MARS1: variants seen among roughly 807,000 people sequenced by gnomAD.
MARS1 encodes methionine--tRNA ligase, cytoplasmic.
A neutral mutation model predicts 119.5 loss-of-function variants in MARS1; 80 were observed. The ratio of observed to expected loss-of-function variants is 0.67; its 90% CI spans 0.56 to 0.81. The LOEUF (loss-of-function observed/expected upper bound fraction) is 0.81, where lower values mean the gene tolerates loss of function less well. MARS1 is among the 30% of genes least tolerant of loss of function. The pLI, the probability that MARS1 is intolerant of heterozygous loss-of-function variation, is 0.00. For missense variants in MARS1, 945 were observed against 1,116.5 expected (o/e 0.85, Z 2.19); for synonymous variants, 418 against 433.4 (o/e 0.96, Z 0.44).
Position 57,498,615 on chromosome 12 carries a change from G to A in MARS1, c.1083G>A (p.Gln361=). The change falls in exon 9 of 21, where the codon CAG becomes CAA. Residue 361 remains glutamine, a synonymous_variant. Transcript: ENST00000262027. ...FDIFGRTTTP[Q]QTKITQDIFQ... ...TTTTTGGTCGCACCACCACTCCACA[G>A]CAGACCAAGTAAGTTTCCTCTAATG... is the stretch of plus-strand genomic sequence containing the variant. The A allele has an allele frequency of 6.2e-7, 1 of 1,614,082 alleles. No individual in the cohort carries two copies. Among genetic ancestry groups the A allele is most frequent in the Non-Finnish European group, 8.5e-7 (1 of 1,179,960 alleles).
At chr12:57,514,670 T>C in intron 15 of MARS1, 50 bp from the exon 16 acceptor site, 1 of 1,609,490 alleles carries the variant, frequency 6.2e-7, no homozygotes, top group Non-Finnish European at 8.5e-7. Flanking sequence ...GGAGACGGGA[T>C]AATAACTTCC....
At position 57,516,232 on chromosome 12, in the gene MARS1, T is replaced by C. The variant is rs377174430; in HGVS notation, c.2464-13T>C. 4.7e-5 allele frequency: 75 copies of C among 1,612,650 alleles called. No individual in the cohort carries two copies. Among genetic ancestry groups the C allele is most frequent in the Non-Finnish European group, 6.1e-5 (72 of 1,178,748 alleles). On this transcript the variant is annotated splice_polypyrimidine_tract_variant and intron_variant, in intron 19 of 20. Transcript: ENST00000262027. Reference sequence around the variant, plus strand: ...TATTTATGGTTGCTGGTGATAACTTTGTTGTTCTCCAGGCAAAAACGTCCC... The same window carrying C: ...TATTTATGGTTGCTGGTGATAACTTCGTTGTTCTCCAGGCAAAAACGTCCC...
In MARS1 at chr12:57,498,274, G is replaced by A. The variant is rs752732775; in HGVS notation, c.887+1G>A. 10 of 1,613,574 alleles carry A rather than the reference G, an allele frequency of 6.2e-6. No homozygotes were observed. The highest frequency in any genetic ancestry group is 5.1e-6 in the Non-Finnish European group (6 of 1,179,460). Reference sequence around the variant, plus strand: ...TGCTCAGTGCCGATGTCTTTGCCAGGTGGAGCCAGCTGCTCGGGGAGAGAC... The same window carrying A: ...TGCTCAGTGCCGATGTCTTTGCCAGATGGAGCCAGCTGCTCGGGGAGAGAC... On this transcript the variant is annotated splice_donor_variant, in intron 8 of 20. Transcript: ENST00000262027. LOFTEE classifies it high-confidence loss of function.
chr12:57,493,368 T>C (rs865808363), intron 7 of MARS1, among the ~76,000 whole-genome samples: 8 of 81,460 alleles, frequency 9.8e-5, no homozygotes, highest in South Asian at 3.2e-4. Context: ...ATGATATGTA[T>C]AATATATATT....
At chr12:57,508,266 C>T (rs182689145) in intron 11 of MARS1, among the ~76,000 whole-genome samples, 2,410 of 152,318 alleles carry the variant, frequency 0.016, 72 homozygotes, top group African/African-American at 0.055. Flanking sequence ...GGTGGCGGCA[C>T]GGCAGAGGCT....
chr12:57,492,689 A>T (rs1317831150), intron 7 of MARS1, among the ~76,000 whole-genome samples: 3 of 103,626 alleles, frequency 2.9e-5, no homozygotes, highest in African/African-American at 1.2e-4. Context: ...ACACACACAC[A>T]CACACACACA....
Position 57,512,362 on chromosome 12 carries a change from C to T in MARS1, c.1753+9C>T, listed in dbSNP as rs892224012. ...CCACCTCATTGCTACAGGTAAGTAC[C>T]CTGGAAGACTACTGATGGGGTGTTC... On this transcript the variant is annotated intron_variant, in intron 14 of 20. Transcript: ENST00000262027. The T allele has an allele frequency of 2.5e-6, 4 of 1,585,206 alleles. No individual in the cohort carries two copies. Among genetic ancestry groups the T allele is most frequent in the African/African-American group, 2.7e-5 (2 of 74,320 alleles).
At chr12:57,510,636 T>C (rs1877465955) in intron 11 of MARS1, among the ~76,000 whole-genome samples, 1 of 151,266 alleles carries the variant, frequency 6.6e-6, no homozygotes, top group Non-Finnish European at 1.5e-5. Context: ...TTTTTTCTTT[T>C]TTGCACTTCC....
intron 7 of MARS1, among the ~76,000 whole-genome samples, chr12:57,494,139 A>G (rs1199880358): frequency 1.4e-5 from 2 of 143,000 alleles, no homozygotes; most frequent in East Asian, 2.1e-4. Context: ...TATTTTTGGT[A>G]GAGACAAGGT....
intron 10 of MARS1, among the ~76,000 whole-genome samples, chr12:57,503,809 G>C (rs1877051358): frequency 6.6e-6 from 1 of 152,114 alleles, no homozygotes; most frequent in African/African-American, 2.4e-5. Flanking sequence ...CAAAATGCTG[G>C]AATTACAGGC....
In MARS1 at chr12:57,498,346, TG is replaced by T. The variant is rs2140016837; in HGVS notation, c.888-70del. 4.4e-6 allele frequency: 7 copies of T among 1,594,214 alleles called. No individual in the cohort carries two copies. In the East Asian group the frequency reaches 1.1e-4, roughly 25 times the overall value. Reference sequence around the variant, plus strand: ...CCAGGGGAATAGGATGCTTCAAGGGTGGGGCTGGGGAGATCCCAAGGACAAG... The same window carrying T: ...CCAGGGGAATAGGATGCTTCAAGGGTGGGCTGGGGAGATCCCAAGGACAAG... On this transcript the variant is annotated intron_variant, in intron 8 of 20. Transcript: ENST00000262027.
intron 13 of MARS1, 53 bp downstream of exon 13, chr12:57,512,156 G>A: frequency 6.2e-7 from 1 of 1,601,662 alleles, no homozygotes; most frequent in Non-Finnish European, 8.6e-7. Flanking sequence ...GTAGGGTGTG[G>A]GTGTTAGGGT....
chr12:57,507,720 T>C (rs1412738342), intron 11 of MARS1, among the ~76,000 whole-genome samples: 4 of 79,588 alleles, frequency 5.0e-5, no homozygotes, highest in Admixed American at 1.4e-4. Context: ...GCCCCCCACC[T>C]CCCTCCCGGA....
chr12:57,512,554 A>T (rs1184469848), intron 14 of MARS1, 197 bp from the exon 15 acceptor site: 1 of 639,696 alleles, frequency 1.6e-6, no homozygotes, highest in Non-Finnish European at 2.7e-6. Flanking sequence ...TCTTTAGTAG[A>T]TATAAGCAAA....
Position 57,488,218 on chromosome 12 carries a change from G to T in MARS1, c.109+19G>T. The T allele has an allele frequency of 3.1e-6, 5 of 1,600,530 alleles. No individual in the cohort carries two copies. In the African/African-American group the frequency reaches 4.0e-5, roughly 13 times the overall value. On this transcript the variant is annotated intron_variant, in intron 1 of 20. Transcript: ENST00000262027. The stretch of plus-strand genomic sequence containing the variant: ...CCGGAAGGTACTCGTGCTGGTGCTG[G>T]TGGGCGGTGGATGGGGGGGCGGGAC...
intron 11 of MARS1, among the ~76,000 whole-genome samples, chr12:57,507,777 A>T (rs1210595007): frequency 9.2e-5 from 13 of 141,128 alleles, no homozygotes; most frequent in African/African-American, 3.2e-4. Context: ...TCCCTCCCGG[A>T]CGGGGCGGCT....
chr12:57,512,288 T>C lies in MARS1; in HGVS notation c.1688T>C (p.Val563Ala). The C allele has an allele frequency of 6.2e-7, 1 of 1,614,166 alleles. No homozygotes were observed. Among genetic ancestry groups the C allele is most frequent in the Non-Finnish European group, 8.5e-7 (1 of 1,180,034 alleles). ...GACAATGTTCCTTTCCATAGCTTAG[T>C]CTTTCCTTGCTCAGCCCTAGGAGCT... is the stretch of plus-strand genomic sequence containing the variant. ...AKDNVPFHSL[V>A]FPCSALGAED... The change falls in exon 14 of 21, where the codon GTC becomes GCC. Residue 563 changes from valine to alanine, a missense_variant. Val to Ala is a moderately conservative substitution (Grantham distance 64, BLOSUM62 0). Transcript: ENST00000262027.
Position 57,506,963 on chromosome 12 carries a change from A to G in MARS1, c.1368+2664A>G, listed in dbSNP as rs1170886862. On this transcript the variant is annotated intron_variant, in intron 11 of 20. Coordinates refer to ENST00000262027, the MANE Select transcript of MARS1 (RefSeq NM_004990.4). Reference sequence around the variant, plus strand: ...AGGTCAGCAGATAAACAAGTGAACAAAGGTCTCTGGTTTTCCTAGGCAGAG... The same window carrying G: ...AGGTCAGCAGATAAACAAGTGAACAGAGGTCTCTGGTTTTCCTAGGCAGAG... Among the ~76,000 whole-genome samples the G allele has an allele frequency of 2.7e-5, 4 of 150,686 alleles. No homozygotes were observed. The South Asian group carries it at 6.4e-4, about 24-fold the overall frequency.
chr12:57,516,216 T>C (rs1373077940), intron 19 of MARS1, 29 bp from the exon 20 acceptor site: 2 of 1,600,610 alleles, frequency 1.2e-6, no homozygotes, highest in Admixed American at 3.3e-5. Flanking sequence ...ATATTTATGG[T>C]TGCTGGTGAT....
Sources: allele counts gnomAD v4.1 joint callset (sites outside exome capture counted in the v4.1 genomes callset), GRCh38; gene constraint gnomAD v4.1.1; transcripts MANE v1.5; gene names NCBI Gene and HGNC (gene_info 2026-07-23, HGNC 2026-07-21).